The following ARHGEF18 variants were observed in gnomAD, a reference collection of about 807,000 sequenced individuals.
ARHGEF18 encodes the protein rho guanine nucleotide exchange factor 18.
Under a neutral mutation model 155.7 loss-of-function variants are expected in ARHGEF18, and 93 were observed. The observed-to-expected ratio is 0.60, with a 90% CI of 0.50 to 0.71. ARHGEF18 has a LOEUF of 0.71. Ranked by LOEUF, ARHGEF18 falls within the 30% of genes least tolerant of loss-of-function variation. ARHGEF18 has a pLI of 0.00. For synonymous variants in ARHGEF18, 742 were observed against 753.1 expected (o/e 0.99, Z 0.24); for missense variants, 1,593 against 1,816.1 (o/e 0.88, Z 2.23).
In ARHGEF18 at chr19:7,453,537, C is replaced by T. The variant is rs752075883; in HGVS notation, c.1926C>T (p.Asp642=). Residue 642 remains aspartate (D), a synonymous_variant, in exon 17 of 29, where the codon GAC becomes GAT. Transcript: ENST00000668164. ...NLIKDIISQV[D]AKVSECEKGQ... ...TCAAAGATATCATCTCACAAGTGGACGCCAAGGTCAGTGAGTGTGAGAAGG... is the reference window on the plus strand; with the variant it reads ...TCAAAGATATCATCTCACAAGTGGATGCCAAGGTCAGTGAGTGTGAGAAGG... 2.2e-5 allele frequency: 35 copies of T among 1,613,948 alleles called. No individual in the cohort carries two copies. Among genetic ancestry groups the T allele is most frequent in the African/African-American group, 1.3e-4 (10 of 74,934 alleles).
At chr19:7,434,664 T>C (rs1216358088) in intron 10 of ARHGEF18, among the ~76,000 whole-genome samples, 1 of 152,140 alleles carries the variant, frequency 6.6e-6, no homozygotes, top group Non-Finnish European at 1.5e-5. Flanking sequence ...GAGATAAATA[T>C]GTATCCCTGT....
intron 7 of ARHGEF18, among the ~76,000 whole-genome samples, chr19:7,380,340 A>G (rs532484181): frequency 6.6e-4 from 100 of 151,818 alleles, no homozygotes; most frequent in East Asian, 1.2e-3. Context: ...TTAGCTGGGC[A>G]TGGTGGCAGG....
rs1001962006 is a variant in ARHGEF18, at chr19:7,463,700, G to A, written c.2636-118G>A. On this transcript the variant is annotated intron_variant, in intron 21 of 28. Coordinates refer to ENST00000668164, the MANE Select transcript of ARHGEF18 (RefSeq NM_001367823.1). The surrounding 1 kb of genome is among the most constrained non-coding windows in gnomAD (Gnocchi z 5.2). ...TCCCACGGCACACAGAAGGGGGCAG[G>A]CGATCACCACCCCAGTGAGTCCCTC... 6.9e-5 allele frequency: 88 copies of A among 1,271,442 alleles called. No individual in the cohort carries two copies. Among genetic ancestry groups the A allele is most frequent in the Non-Finnish European group, 8.8e-5 (82 of 934,920 alleles). The allele number at this position is 1,271,442 out of a possible 1,614,324, so 78.8% of individuals were successfully genotyped here. A position where few individuals can be genotyped will look rare whatever the true frequency, so the allele number is the denominator to read the frequency against.
intron 1 of ARHGEF18, among the ~76,000 whole-genome samples, chr19:7,357,800 T>C (rs963024481): frequency 2.6e-5 from 4 of 152,072 alleles, no homozygotes; most frequent in African/African-American, 9.7e-5. Context: ...AACTGAGACC[T>C]TCAGTGAAGG....
chr19:7,474,782 T>TGTG (rs1387975459), downstream of ARHGEF18, among the ~76,000 whole-genome samples: 1 of 151,892 alleles, frequency 6.6e-6, no homozygotes, highest in East Asian at 1.9e-4. Flanking sequence ...TGTGTGTGTG[T>TGTG]GTCTCCCCCC....
intron 10 of ARHGEF18, among the ~76,000 whole-genome samples, chr19:7,403,057 A>G (rs751533750): frequency 6.6e-6 from 1 of 152,224 alleles, no homozygotes; most frequent in Non-Finnish European, 1.5e-5. Flanking sequence ...TCTGTCACCC[A>G]GGCTAGAGTA....
rs1473465594 is a variant in ARHGEF18 at position 7,367,838 on chromosome 19, TA to T, written c.15+4934del. ...TTTTATATATATATACACATATATA[TA>T]TTTTATATATATATATACACATATA... On this transcript the variant is annotated intron_variant, in intron 2 of 28. Coordinates refer to ENST00000668164, the MANE Select transcript of ARHGEF18 (RefSeq NM_001367823.1). 2.0e-3 allele frequency among the ~76,000 whole-genome samples: 179 copies of T among 87,824 alleles called. 8 individuals are homozygous for T. The highest frequency in any genetic ancestry group is 3.1e-3 in the Non-Finnish European group (135 of 44,082). 57.6% of individuals were successfully genotyped at this position (87,824 alleles called of 152,430 possible). A position where few individuals can be genotyped will look rare whatever the true frequency, so the allele number is the denominator to read the frequency against.
At chr19:7,353,125 C>A (rs546228786) in intron 1 of ARHGEF18, among the ~76,000 whole-genome samples, 1 of 151,812 alleles carries the variant, frequency 6.6e-6, no homozygotes, top group African/African-American at 2.4e-5. Context: ...TGTGAGCCAC[C>A]GCGCCTGGCC....
intron 10 of ARHGEF18, among the ~76,000 whole-genome samples, chr19:7,439,331 G>T (rs1341741915): frequency 1.3e-5 from 2 of 150,622 alleles, no homozygotes; most frequent in Non-Finnish European, 2.9e-5. Flanking sequence ...CAGCACACCT[G>T]TAGTCCCAGC....
intron 13 of ARHGEF18, among the ~76,000 whole-genome samples, chr19:7,443,775 G>A (rs1974819884): frequency 6.6e-6 from 1 of 152,036 alleles, no homozygotes; most frequent in South Asian, 2.1e-4. Flanking sequence ...GTGGTGGTGT[G>A]CACCTGTAAT....
intron 10 of ARHGEF18, among the ~76,000 whole-genome samples, chr19:7,433,095 A>G (rs1974052958): frequency 6.6e-6 from 1 of 151,420 alleles, no homozygotes; most frequent in Non-Finnish European, 1.5e-5. Context: ...CAGGAATTGG[A>G]GGCTTCAGTG....
In ARHGEF18 at chr19:7,387,248, G is replaced by A. The variant is rs573075157; in HGVS notation, c.967+4045G>A. Among the ~76,000 whole-genome samples the A allele has an allele frequency of 3.9e-5, 6 of 152,126 alleles. No individual in the cohort carries two copies. The East Asian group carries it at 1.2e-3, about 29-fold the overall frequency. On this transcript the variant is annotated intron_variant, in intron 10 of 28. Coordinates refer to ENST00000668164, the MANE Select transcript of ARHGEF18 (RefSeq NM_001367823.1). Reference sequence around the variant, plus strand: ...GCTCACTGCAAGCTCTGCCTTCCTGGTTCATGCCATTCTCCTGCCTCAGCC... The same window carrying A: ...GCTCACTGCAAGCTCTGCCTTCCTGATTCATGCCATTCTCCTGCCTCAGCC...
chr19:7,405,611 G>GTA (rs200443555), intron 10 of ARHGEF18, among the ~76,000 whole-genome samples: 2,242 of 152,186 alleles, frequency 0.015, 31 homozygotes, highest in Non-Finnish European at 0.022. Context: ...AATTTGTTTT[G>GTA]TTTTAGTTTT....
intron 10 of ARHGEF18, among the ~76,000 whole-genome samples, chr19:7,406,208 C>T (rs557808673): frequency 2.6e-5 from 4 of 152,234 alleles, no homozygotes; most frequent in African/African-American, 9.6e-5. Context: ...CCTCAGCCTC[C>T]CAGGTAGCTG....
At chr19:7,419,500 G>A (rs1973226968) in intron 10 of ARHGEF18, among the ~76,000 whole-genome samples, 1 of 152,000 alleles carries the variant, frequency 6.6e-6, no homozygotes, top group Admixed American at 6.6e-5. Flanking sequence ...CACTGTGAAG[G>A]GAACTCCCGG....
chr19:7,473,991 TA>T (rs578042222), downstream of ARHGEF18, among the ~76,000 whole-genome samples: 1,277 of 123,008 alleles, frequency 0.01, 17 homozygotes, highest in South Asian at 0.045. Flanking sequence ...TATAAGAGCT[TA>T]AAAAAAAAAA....
intron 10 of ARHGEF18, among the ~76,000 whole-genome samples, chr19:7,410,717 C>T (rs900340742): frequency 7.0e-6 from 1 of 142,986 alleles, no homozygotes. Flanking sequence ...GGCTGAGGCA[C>T]GAGAATCGCT....
intron 8 of ARHGEF18, among the ~76,000 whole-genome samples, chr19:7,381,382 G>C (rs528442905): frequency 6.6e-6 from 1 of 152,106 alleles, no homozygotes; most frequent in African/African-American, 2.4e-5. Context: ...CACTTTATCC[G>C]AAACAGCAGT....
chr19:7,350,141 G>A (rs1969120664), intron 1 of ARHGEF18, among the ~76,000 whole-genome samples: 1 of 152,166 alleles, frequency 6.6e-6, no homozygotes, highest in Non-Finnish European at 1.5e-5. Flanking sequence ...ACTGGGAGGG[G>A]TGGGGGAGGA....
Sources: gnomAD v4.1 joint callset for allele counts (sites outside exome capture counted in the v4.1 genomes callset) on GRCh38, gnomAD v4.1.1 for gene constraint, Gnocchi (gnomAD v3.1) non-coding constraint, MANE v1.5 for transcripts, NCBI Gene and HGNC (gene_info 2026-07-23, HGNC 2026-07-21) for gene names.